Variants in AMBRA1 observed in about 807,000 individuals in gnomAD.
The protein encoded by AMBRA1 is activating molecule in BECN1-regulated autophagy protein 1.
Under a neutral mutation model 125.4 loss-of-function variants are expected in AMBRA1, and 47 were observed. The ratio of observed to expected loss-of-function variants is 0.37; its 90% CI spans 0.30 to 0.48. The LOEUF (loss-of-function observed/expected upper bound fraction) is 0.48, where lower values mean the gene tolerates loss of function less well. Among genes scored for constraint, AMBRA1 ranks in the 20% least tolerant of loss-of-function variants. The pLI is 0.99. For missense variants in AMBRA1, 1,331 were observed against 1,693.4 expected, an observed-to-expected ratio of 0.79 and a Z score of 3.76; for synonymous variants, 626 against 655.5, an observed-to-expected ratio of 0.95 and a Z score of 0.69.
chr11:46,406,780 G>A (rs2136607774), intron 17 of AMBRA1, among the ~76,000 whole-genome samples: 1 of 152,236 alleles, frequency 6.6e-6, no homozygotes, highest in African/African-American at 2.4e-5. Context: ...TACTCGGGAG[G>A]CTGAGGCAGA....
Position 46,547,298 on chromosome 11 carries a change from T to C in AMBRA1, c.195-2A>G. ...ACATGGGTGGAGGCTAAGAGAGTCC[T>C]AGAAAATCAAAGAGTAGAACTGAAT... On this transcript the variant is annotated splice_acceptor_variant, in intron 3 of 17. Transcript: ENST00000683756. LOFTEE classifies it high-confidence loss of function. The C allele has an allele frequency of 6.2e-7, 1 of 1,602,598 alleles. No individual in the cohort carries two copies. The highest frequency in any genetic ancestry group is 8.5e-7 in the Non-Finnish European group (1 of 1,175,604).
chr11:46,567,660 C>T (rs2043582528), intron 1 of AMBRA1, among the ~76,000 whole-genome samples: 1 of 152,148 alleles, frequency 6.6e-6, no homozygotes, highest in Non-Finnish European at 1.5e-5. Context: ...CGTGCCCAGC[C>T]TTTTAAGATG....
intron 16 of AMBRA1, among the ~76,000 whole-genome samples, chr11:46,409,352 C>A (rs1477426337): frequency 6.6e-6 from 1 of 152,164 alleles, no homozygotes; most frequent in Non-Finnish European, 1.5e-5. Context: ...AGGCATACAC[C>A]ACCATGCTCG....
At chr11:46,512,491 C>T (rs530296495) in intron 8 of AMBRA1, among the ~76,000 whole-genome samples, 1 of 152,294 alleles carries the variant, frequency 6.6e-6, no homozygotes, top group South Asian at 2.1e-4. Flanking sequence ...TCTAGCACCA[C>T]ACTTGCGGAA....
chr11:46,489,455 TTTA>T (rs1378517949), intron 11 of AMBRA1, among the ~76,000 whole-genome samples: 1 of 152,062 alleles, frequency 6.6e-6, no homozygotes, highest in Non-Finnish European at 1.5e-5. Flanking sequence ...GTTTTTCTTT[TTTA>T]TATTTAAAAA....
At chr11:46,560,687 T>C (rs1164767771) in intron 1 of AMBRA1, among the ~76,000 whole-genome samples, 1 of 152,324 alleles carries the variant, frequency 6.6e-6, no homozygotes, top group East Asian at 1.9e-4. Context: ...AGGAAAGCAC[T>C]AAACCAAGAA....
chr11:46,459,739 TACACACACACAC>T (rs56374939), intron 11 of AMBRA1, among the ~76,000 whole-genome samples: 99 of 110,314 alleles, frequency 9.0e-4, no homozygotes, highest in African/African-American at 2.0e-3. Flanking sequence ...AAAATACACA[TACACACACACAC>T]ACACACACAC....
intron 7 of AMBRA1, among the ~76,000 whole-genome samples, chr11:46,526,739 A>C (rs1951992295): frequency 6.6e-6 from 1 of 151,908 alleles, no homozygotes; most frequent in Non-Finnish European, 1.5e-5. Context: ...ACACACAAAA[A>C]AAAACCATGA....
chr11:46,545,174 G>T (rs1270547404), intron 5 of AMBRA1, among the ~76,000 whole-genome samples: 24 of 75,050 alleles, frequency 3.2e-4, no homozygotes, highest in East Asian at 5.7e-4. Context: ...GGGGGGGGGG[G>T]TGGTGGTGGG....
At chr11:46,592,621 G>C (rs1008454289) in intron 1 of AMBRA1, among the ~76,000 whole-genome samples, 1 of 152,114 alleles carries the variant, frequency 6.6e-6, no homozygotes, top group Non-Finnish European at 1.5e-5. Context: ...AGCCGAGTGT[G>C]GTGGCGCGCG....
At chr11:46,548,577 A>G in intron 1 of AMBRA1, 77 bp from the exon 2 acceptor site, 1 of 607,400 alleles carries the variant, frequency 1.6e-6, no homozygotes, top group Non-Finnish European at 2.7e-6. Context: ...ATTCTAGCTC[A>G]AAAGGGAAAT....
intron 14 of AMBRA1, among the ~76,000 whole-genome samples, chr11:46,422,449 A>G (rs1215434647): frequency 6.6e-6 from 1 of 152,158 alleles, no homozygotes; most frequent in Non-Finnish European, 1.5e-5. Flanking sequence ...TCTGGTGTCC[A>G]AGACAATCTC....
At chr11:46,406,924 T>C (rs1407460144) in intron 17 of AMBRA1, among the ~76,000 whole-genome samples, 1 of 151,730 alleles carries the variant, frequency 6.6e-6, no homozygotes, top group Admixed American at 6.6e-5. Context: ...CTCACGCCTT[T>C]AATCCCAGCA....
chr11:46,521,136 T>C (rs1195413642), intron 7 of AMBRA1, among the ~76,000 whole-genome samples: 2 of 152,226 alleles, frequency 1.3e-5, no homozygotes, highest in Admixed American at 1.3e-4. Flanking sequence ...TGCCCCTCAC[T>C]GGCGACAAGA....
At position 46,410,298 on chromosome 11, in the gene AMBRA1, T is replaced by C. The variant is rs1049493515; in HGVS notation, c.3187A>G (p.Ser1063Gly). Reference sequence around the variant, plus strand: ...TACCCAGGCCGCTCGCTGCTCCTGCTGTTGGAATGGACAGTGAAGACCGTC... The same window carrying C: ...TACCCAGGCCGCTCGCTGCTCCTGCCGTTGGAATGGACAGTGAAGACCGTC... ...NETVFTVHSNSRSSERPGTSR... is the reference protein window; with the variant it reads ...NETVFTVHSNGRSSERPGTSR... The change falls in exon 16 of 18, where the codon AGC (serine) becomes GGC (glycine). Residue 1063 changes from serine to glycine, a missense_variant. Ser to Gly is a moderately conservative substitution (Grantham distance 56). Coordinates refer to ENST00000683756, the MANE Select transcript of AMBRA1 (RefSeq NM_001387011.1). The C allele has an allele frequency of 4.3e-6, 7 of 1,613,814 alleles. No homozygotes were observed. The Admixed American group carries it at 1.2e-4, about 27-fold the overall frequency.
intron 8 of AMBRA1, among the ~76,000 whole-genome samples, 176 bp downstream of exon 8, chr11:46,512,551 T>C (rs1224307795): frequency 6.6e-6 from 1 of 152,004 alleles, no homozygotes; most frequent in East Asian, 1.9e-4. Flanking sequence ...TCACCAGAGG[T>C]ACTGTTCACT....
chr11:46,447,633 C>A (rs958385985), intron 11 of AMBRA1, among the ~76,000 whole-genome samples: 41 of 152,170 alleles, frequency 2.7e-4, no homozygotes, highest in African/African-American at 9.6e-4. Flanking sequence ...TAGCTTGAGT[C>A]TGGAAGGTGG....
At chr11:46,530,556 A>G (rs889506717) in intron 7 of AMBRA1, 1 of 152,200 alleles carries the variant, frequency 6.6e-6, no homozygotes, top group Non-Finnish European at 1.5e-5. Context: ...TTAACCATCA[A>G]AGAATCCCAC....
At chr11:46,493,767 A>C (rs1355018186) in intron 10 of AMBRA1, 59 bp from the exon 11 acceptor site, 8 of 1,335,828 alleles carry the variant, frequency 6.0e-6, no homozygotes, top group African/African-American at 1.5e-5. Flanking sequence ...ACAGATACTA[A>C]CTACCTACAC....
Sources: gnomAD v4.1 joint callset for allele counts (sites outside exome capture counted in the v4.1 genomes callset) on GRCh38, gnomAD v4.1.1 for gene constraint, MANE v1.5 for transcripts, NCBI Gene and HGNC (gene_info 2026-07-23, HGNC 2026-07-21) for gene names.